The following GDPD1 variants were observed in gnomAD, a reference collection of about 807,000 sequenced individuals.
GDPD1 encodes lysophospholipase D GDPD1.
A neutral mutation model predicts 45.1 loss-of-function variants in GDPD1; 28 were observed. The ratio of observed to expected loss-of-function variants is 0.62; its 90% CI spans 0.46 to 0.85. The LOEUF (loss-of-function observed/expected upper bound fraction) is 0.85, where lower values mean the gene tolerates loss of function less well. GDPD1 is among the 40% of genes least tolerant of loss of function. The pLI is 0.00. For missense variants in GDPD1, 256 were observed against 364.8 expected (o/e 0.70, Z 2.43); for synonymous variants, 139 against 131.4 (o/e 1.06, Z -0.40).
rs1319901736 is a variant in GDPD1 at position 59,242,112 on chromosome 17, G to C, written c.186-3302G>C. ...GAGTCTTGCTCTGTCACCCAGGCTGGAGTGCAGTGGCATAATCTTGGCTCA... is the reference window on the plus strand; with the variant it reads ...GAGTCTTGCTCTGTCACCCAGGCTGCAGTGCAGTGGCATAATCTTGGCTCA... On this transcript the variant is annotated intron_variant, in intron 2 of 9. Coordinates refer to ENST00000284116, the MANE Select transcript of GDPD1 (RefSeq NM_182569.4). 3.9e-5 allele frequency among the ~76,000 whole-genome samples: 6 copies of C among 152,028 alleles called. No individual in the cohort carries two copies. In the South Asian group the frequency reaches 1.2e-3, roughly 32 times the overall value.
At chr17:59,231,131 G>A (rs1232848577) in intron 1 of GDPD1, among the ~76,000 whole-genome samples, 1 of 151,990 alleles carries the variant, frequency 6.6e-6, no homozygotes, top group African/African-American at 2.4e-5. Flanking sequence ...CTCACTGCTG[G>A]CAAGTTGGAC....
intron 8 of GDPD1, among the ~76,000 whole-genome samples, chr17:59,271,411 C>T (rs1321826911): frequency 6.6e-6 from 1 of 152,150 alleles, no homozygotes; most frequent in Non-Finnish European, 1.5e-5. Flanking sequence ...CAAGACTTAA[C>T]AGCAGAAAGG....
intron 4 of GDPD1, among the ~76,000 whole-genome samples, chr17:59,250,755 AG>A (rs1297368535): frequency 6.6e-6 from 1 of 152,082 alleles, no homozygotes; most frequent in African/African-American, 2.4e-5. Flanking sequence ...GCTGGAGTGA[AG>A]TAGCTCAATC....
At chr17:59,248,852 T>C (rs1430111646) in intron 4 of GDPD1, 67 bp downstream of exon 4, 15 of 1,197,150 alleles carry the variant, frequency 1.3e-5, no homozygotes, top group Non-Finnish European at 1.8e-5. Flanking sequence ...CTTGTCATAG[T>C]AAGTTCTTAC....
chr17:59,240,895 C>G (rs1053840947), intron 2 of GDPD1, among the ~76,000 whole-genome samples: 2 of 152,200 alleles, frequency 1.3e-5, no homozygotes, highest in Admixed American at 1.3e-4. Flanking sequence ...AAGCAACTTC[C>G]AGTCCTGCAA....
Position 59,255,876 on chromosome 17 carries a change from C to CGCGTATATATATATAT in GDPD1, c.368-1246_368-1245insGCGTATATATATATAT, listed in dbSNP as rs1568347061. ...ACACACGTATATATATATATATATA[C>CGCGTATATATATATAT]ACACACACACACACACATATATATA... On this transcript the variant is annotated intron_variant, in intron 4 of 9. Transcript: ENST00000284116. Among the ~76,000 whole-genome samples the CGCGTATATATATATAT allele has an allele frequency of 2.7e-3, 112 of 41,890 alleles. 3 individuals are homozygous for CGCGTATATATATATAT. Among genetic ancestry groups the CGCGTATATATATATAT allele is most frequent in the African/African-American group, 0.023 (105 of 4,594 alleles). 27.5% of individuals were successfully genotyped at this position (41,890 alleles called of 152,430 possible).
intron 1 of GDPD1, among the ~76,000 whole-genome samples, chr17:59,225,938 C>G (rs2047044259): frequency 6.6e-6 from 1 of 150,730 alleles, no homozygotes; most frequent in African/African-American, 2.4e-5. Flanking sequence ...CCAGGCTGGT[C>G]TCAAACTCCT....
chr17:59,269,271 G>A (rs554450491), intron 7 of GDPD1, among the ~76,000 whole-genome samples: 1 of 152,038 alleles, frequency 6.6e-6, no homozygotes, highest in African/African-American at 2.4e-5. Context: ...TAGCCTGGGC[G>A]ACAGAGCAAG....
chr17:59,257,094 A>C, intron 4 of GDPD1, 28 bp from the exon 5 acceptor site: 2 of 1,161,654 alleles, frequency 1.7e-6, no homozygotes, highest in Non-Finnish European at 2.5e-6. Context: ...ATATTTAAAA[A>C]ATACATTTAA....
chr17:59,224,671 G>A (rs991925607), intron 1 of GDPD1, among the ~76,000 whole-genome samples: 1 of 151,306 alleles, frequency 6.6e-6, no homozygotes, highest in Non-Finnish European at 1.5e-5. Flanking sequence ...ACTACGACTT[G>A]TTGAGCCGGG....
chr17:59,255,830 C>CAT (rs1568346867), intron 4 of GDPD1, among the ~76,000 whole-genome samples: 1 of 32,654 alleles, frequency 3.1e-5, no homozygotes, highest in Non-Finnish European at 5.1e-5. Context: ...TATATATACG[C>CAT]GTATATATAT....
intron 3 of GDPD1, among the ~76,000 whole-genome samples, chr17:59,247,074 A>G (rs1309747736): frequency 1.3e-5 from 2 of 151,996 alleles, no homozygotes; most frequent in African/African-American, 4.8e-5. Flanking sequence ...AGCCTTTTCC[A>G]TGCTTTAAAG....
intron 2 of GDPD1, among the ~76,000 whole-genome samples, chr17:59,243,027 C>G (rs2047186016): frequency 6.7e-6 from 1 of 150,346 alleles, no homozygotes; most frequent in South Asian, 2.1e-4. Context: ...CATCTCTACT[C>G]AAAATACAAA....
chr17:59,271,091 T>C (rs1336460297), intron 8 of GDPD1, 96 bp downstream of exon 8: 3 of 735,638 alleles, frequency 4.1e-6, no homozygotes, highest in Middle Eastern at 2.7e-4. Context: ...CACATGTAAT[T>C]TGTAACAAGG....
chr17:59,253,578 T>C (rs1482519519), intron 4 of GDPD1, among the ~76,000 whole-genome samples: 4 of 152,206 alleles, frequency 2.6e-5, no homozygotes, highest in African/African-American at 4.8e-5. Flanking sequence ...ATTCTCTCGC[T>C]GTTAGATAGA....
intron 8 of GDPD1, among the ~76,000 whole-genome samples, chr17:59,272,044 CT>C (rs1268270162): frequency 6.6e-6 from 1 of 151,616 alleles, no homozygotes; most frequent in African/African-American, 2.4e-5. Context: ...TCAAGGATGC[CT>C]TTTTTTTGTA....
intron 1 of GDPD1, among the ~76,000 whole-genome samples, chr17:59,224,048 A>C (rs1468314402): frequency 6.6e-6 from 1 of 152,188 alleles, no homozygotes; most frequent in Non-Finnish European, 1.5e-5. Context: ...GCTTGACATC[A>C]TTTAATTCTT....
At chr17:59,257,049 A>G in intron 4 of GDPD1, 73 bp from the exon 5 acceptor site, 1 of 715,516 alleles carries the variant, frequency 1.4e-6, no homozygotes, top group South Asian at 2.0e-5. Flanking sequence ...ATGAATATAT[A>G]CAATACCTTC....
At chr17:59,257,350 C>T in intron 5 of GDPD1, 110 bp downstream of exon 5, 1 of 638,554 alleles carries the variant, frequency 1.6e-6, no homozygotes, top group Non-Finnish European at 2.8e-6. Flanking sequence ...ATGTGATACC[C>T]TAGGGATCAG....
Sources: gnomAD v4.1 joint callset for allele counts (sites outside exome capture counted in the v4.1 genomes callset) on GRCh38, gnomAD v4.1.1 for gene constraint, MANE v1.5 for transcripts, NCBI Gene and HGNC (gene_info 2026-07-23, HGNC 2026-07-21) for gene names.